Variants in FOXP1 observed in about 807,000 individuals in gnomAD.
FOXP1 encodes the protein forkhead box P1.
A neutral mutation model predicts 98.2 loss-of-function variants in FOXP1; 15 were observed. That is an observed-to-expected ratio of 0.15 (90% CI 0.10 to 0.24). The LOEUF is 0.24. FOXP1 is among the 10% of genes least tolerant of loss of function. The pLI is 1.00. For missense variants in FOXP1, 633 were observed against 848.5 expected (o/e 0.75, Z 3.15); for synonymous variants, 371 against 314.5 (o/e 1.18, Z -1.90).
chr3:70,992,367 T>A (rs2040735940), intron 13 of FOXP1, among the ~76,000 whole-genome samples: 1 of 151,912 alleles, frequency 6.6e-6, no homozygotes, highest in Admixed American at 6.5e-5. Flanking sequence ...ATCCAGTTAC[T>A]TAGGCAGGGT....
At chr3:71,416,825 TAGA>T (rs1188735363) in intron 3 of FOXP1, among the ~76,000 whole-genome samples, 1 of 151,932 alleles carries the variant, frequency 6.6e-6, no homozygotes, top group African/African-American at 2.4e-5. Context: ...GGTGGCCGCA[TAGA>T]AGGAGAAGAG....
intron 2 of FOXP1, among the ~76,000 whole-genome samples, chr3:71,517,639 T>C (rs1340531507): frequency 6.6e-6 from 1 of 152,222 alleles, no homozygotes; most frequent in Non-Finnish European, 1.5e-5. Flanking sequence ...ATCTTCAGTA[T>C]AATATTCATA....
At chr3:71,023,429 T>G (rs2045697081) in intron 11 of FOXP1, among the ~76,000 whole-genome samples, 1 of 152,216 alleles carries the variant, frequency 6.6e-6, no homozygotes, top group Admixed American at 6.5e-5. Context: ...AAAGCTGTTC[T>G]CTTCATATAC....
chr3:71,213,446 G>GT (rs1174978652), intron 5 of FOXP1, among the ~76,000 whole-genome samples: 1 of 152,200 alleles, frequency 6.6e-6, no homozygotes, highest in East Asian at 1.9e-4. Context: ...ATCTGAAAGA[G>GT]TTTTTTCAAA....
chr3:71,230,475 A>G (rs1048915983), intron 5 of FOXP1, among the ~76,000 whole-genome samples: 2 of 152,212 alleles, frequency 1.3e-5, no homozygotes, highest in Admixed American at 1.3e-4. Context: ...AAACAAAGGA[A>G]CAGGAGGGGG....
intron 6 of FOXP1, chr3:71,130,595 GGGGTTGCC>G (rs1359368654): frequency 1.1e-5 from 18 of 1,598,296 alleles, no homozygotes; most frequent in Non-Finnish European, 1.5e-5. Context: ...CTGCGAAGCG[GGGGTTGCC>G]GAGTGGTAAA....
At chr3:71,060,695 C>A (rs898567122) in intron 7 of FOXP1, among the ~76,000 whole-genome samples, 1 of 152,138 alleles carries the variant, frequency 6.6e-6, no homozygotes, top group Non-Finnish European at 1.5e-5. Context: ...TACAAAATAA[C>A]AAGCCCTTGA....
chr3:71,131,967 T>C (rs2059595762), intron 6 of FOXP1, among the ~76,000 whole-genome samples: 2 of 152,172 alleles, frequency 1.3e-5, no homozygotes, highest in African/African-American at 4.8e-5. Context: ...CTTCTCCACT[T>C]TGGGGAGGGG....
intron 6 of FOXP1, chr3:71,130,971 A>G: frequency 8.6e-7 from 1 of 1,167,752 alleles, no homozygotes; most frequent in Non-Finnish European, 1.1e-6. Context: ...ACGCAGACAA[A>G]TACACACCAA....
intron 5 of FOXP1, among the ~76,000 whole-genome samples, chr3:71,280,243 C>T (rs2321695): frequency 0.6 from 90,432 of 151,408 alleles, 27,364 homozygotes; most frequent in African/African-American, 0.7. Context: ...ATAGTATGTT[C>T]TAATTCAATA....
At chr3:71,472,228 C>A (rs1159533586) in intron 3 of FOXP1, among the ~76,000 whole-genome samples, 2 of 151,928 alleles carry the variant, frequency 1.3e-5, no homozygotes, top group African/African-American at 2.4e-5. Context: ...CCACTCTCAC[C>A]CTGGATTATG....
chr3:71,208,118 A>C (rs2064181478), intron 5 of FOXP1, among the ~76,000 whole-genome samples: 1 of 152,250 alleles, frequency 6.6e-6, no homozygotes, highest in Non-Finnish European at 1.5e-5. Flanking sequence ...CTTGACAAAG[A>C]GTACATGCAT....
intron 5 of FOXP1, among the ~76,000 whole-genome samples, chr3:71,265,183 C>A (rs2069517570): frequency 6.6e-6 from 1 of 152,194 alleles, no homozygotes; most frequent in South Asian, 2.1e-4. Context: ...CAAGAAATTT[C>A]TGGACTGTTC....
intron 5 of FOXP1, among the ~76,000 whole-genome samples, chr3:71,213,010 G>T (rs550210505): frequency 6.6e-6 from 1 of 151,430 alleles, no homozygotes; most frequent in Non-Finnish European, 1.5e-5. Flanking sequence ...GCCTCCTTTC[G>T]TATTTGTAGC....
intron 3 of FOXP1, among the ~76,000 whole-genome samples, chr3:71,413,722 C>G (rs1412427962): frequency 6.6e-6 from 1 of 152,100 alleles, no homozygotes; most frequent in Admixed American, 6.5e-5. Flanking sequence ...AACTACCAAA[C>G]AGCATGTACG....
intron 3 of FOXP1, among the ~76,000 whole-genome samples, chr3:71,439,601 T>C (rs116109144): frequency 0.015 from 2,247 of 152,228 alleles, 60 homozygotes; most frequent in African/African-American, 0.051. Context: ...CAGCAAAGGA[T>C]GGATAAACAA....
In FOXP1 at chr3:71,198,346, G is replaced by T. The variant is rs759226701; in HGVS notation, c.36C>A (p.Asn12Lys). 1 of 1,409,976 alleles carries T rather than the reference G, an allele frequency of 7.1e-7. No individual in the cohort carries two copies. The highest frequency in any genetic ancestry group is 9.5e-7 in the Non-Finnish European group (1 of 1,055,690). 87.3% of individuals were successfully genotyped at this position (1,409,976 alleles called of 1,614,324 possible). Reference sequence around the variant, plus strand: ...CCGACCCATTCTGGATGGCTGAACCGTTACTTTTTGTCTCAGTCCCAGATT... The same window carrying T: ...CCGACCCATTCTGGATGGCTGAACCTTTACTTTTTGTCTCAGTCCCAGATT... The part of the protein sequence containing the change: ...MQESGTETKS[N>K]GSAIQNGSGG... Residue 12 changes from asparagine (N) to lysine (K), a missense_variant, in exon 6 of 21, where the codon AAC (asparagine) becomes AAA (lysine). Coordinates refer to ENST00000649528, the MANE Select transcript of FOXP1 (RefSeq NM_001349338.3).
At chr3:71,212,304 A>C (rs1232615688) in intron 5 of FOXP1, among the ~76,000 whole-genome samples, 1 of 152,128 alleles carries the variant, frequency 6.6e-6, no homozygotes, top group Non-Finnish European at 1.5e-5. Flanking sequence ...GCTACAGGAG[A>C]CTTAAGAGAC....
intron 4 of FOXP1, among the ~76,000 whole-genome samples, chr3:71,323,032 G>A (rs1328856215): frequency 1.1e-4 from 16 of 150,728 alleles, no homozygotes; most frequent in Admixed American, 4.0e-4. Flanking sequence ...GTGCAGTGGC[G>A]TTATCTTGGC....
Sources: gnomAD v4.1 joint callset for allele counts (sites outside exome capture counted in the v4.1 genomes callset) on GRCh38, gnomAD v4.1.1 for gene constraint, MANE v1.5 for transcripts, NCBI Gene and HGNC (gene_info 2026-07-23, HGNC 2026-07-21) for gene names.